The following ABTB2 variants were observed in gnomAD, a reference collection of about 807,000 sequenced individuals.
ABTB2 encodes the protein ankyrin repeat and BTB domain containing 2, also known as ankyrin repeat and BTB/POZ domain-containing protein 2.
Under a neutral mutation model 104.1 loss-of-function variants are expected in ABTB2, and 56 were observed. The observed-to-expected ratio is 0.54, with a 90% CI of 0.43 to 0.67. ABTB2 has a LOEUF of 0.67. Ranked by LOEUF, ABTB2 falls within the 30% of genes least tolerant of loss-of-function variation. The pLI is 0.00. For missense variants in ABTB2, 1,279 were observed against 1,407.7 expected (o/e 0.91, Z 1.46); for synonymous variants, 606 against 608.2 (o/e 1.00, Z 0.05).
chr11:34,183,773 G>A (rs966389899), intron 3 of ABTB2, among the ~76,000 whole-genome samples: 6 of 152,120 alleles, frequency 3.9e-5, no homozygotes, highest in African/African-American at 1.2e-4. Context: ...CACAGAAGCC[G>A]GTGTTAGAAA....
chr11:34,298,071 A>C (rs552356551), intron 1 of ABTB2, among the ~76,000 whole-genome samples: 12 of 151,134 alleles, frequency 7.9e-5, no homozygotes, highest in African/African-American at 2.9e-4. Context: ...CTGAAATGTG[A>C]GAAATAAATG....
At chr11:34,240,749 C>G (rs113402711) in intron 1 of ABTB2, among the ~76,000 whole-genome samples, 7 of 148,966 alleles carry the variant, frequency 4.7e-5, no homozygotes, top group African/African-American at 1.7e-4. Context: ...TCCGCCACCA[C>G]ACCCAGCTAA....
chr11:34,233,333 C>CTT lies in ABTB2; in HGVS notation c.884-28645_884-28644dup, dbSNP rs112892657. On this transcript the variant is annotated intron_variant, in intron 1 of 16. Transcript: ENST00000435224. ...ATGGCATGATCATGGCTCACTGCAG[C>CTT]TTTTTTTTTTTTTGAGACAGAGCCT... Among the ~76,000 whole-genome samples the CTT allele has an allele frequency of 2.6e-3, 381 of 145,508 alleles. 7 individuals carry two copies. In the East Asian group the frequency reaches 0.033, roughly 13 times the overall value.
intron 1 of ABTB2, among the ~76,000 whole-genome samples, chr11:34,351,246 G>C (rs1425646617): frequency 6.9e-6 from 1 of 144,824 alleles, no homozygotes; most frequent in Non-Finnish European, 1.5e-5. Context: ...GTGGGACACA[G>C]ATGTAAACTC....
At chr11:34,239,703 C>T (rs550953137) in intron 1 of ABTB2, among the ~76,000 whole-genome samples, 4 of 152,272 alleles carry the variant, frequency 2.6e-5, no homozygotes, top group African/African-American at 7.2e-5. Flanking sequence ...GACTGCAAGA[C>T]AGGCCTTTCT....
intron 1 of ABTB2, among the ~76,000 whole-genome samples, chr11:34,221,407 A>C (rs1290362310): frequency 6.6e-6 from 1 of 152,248 alleles, no homozygotes; most frequent in Admixed American, 6.5e-5. Flanking sequence ...CTGGAATTTC[A>C]ACACAGGAAT....
chr11:34,169,517 C>T (rs1046957260), intron 5 of ABTB2, among the ~76,000 whole-genome samples: 3 of 152,194 alleles, frequency 2.0e-5, no homozygotes, highest in African/African-American at 7.2e-5. Context: ...GTTCAAGATG[C>T]TACAGCTCTT....
chr11:34,332,951 G>A (rs565411300), intron 1 of ABTB2, among the ~76,000 whole-genome samples: 7 of 152,262 alleles, frequency 4.6e-5, no homozygotes, highest in Non-Finnish European at 8.8e-5. Context: ...TGCCTGCTTC[G>A]TCTGGGTGAG....
At chr11:34,243,299 G>A (rs1234007949) in intron 1 of ABTB2, among the ~76,000 whole-genome samples, 1 of 152,090 alleles carries the variant, frequency 6.6e-6, no homozygotes, top group Non-Finnish European at 1.5e-5. Context: ...TTTAGATGGA[G>A]TCTCGCTCTG....
At chr11:34,342,917 T>TTTCA (rs1248390759) in intron 1 of ABTB2, among the ~76,000 whole-genome samples, 11 of 142,640 alleles carry the variant, frequency 7.7e-5, no homozygotes, top group Non-Finnish European at 1.4e-4. Flanking sequence ...GTCACTCCCA[T>TTTCA]TTCATTTATT....
intron 1 of ABTB2, among the ~76,000 whole-genome samples, chr11:34,209,061 C>A (rs1005201479): frequency 2.6e-5 from 4 of 152,188 alleles, no homozygotes; most frequent in Admixed American, 1.3e-4. Context: ...TAGTTAGCAT[C>A]CTGGCTGGCC....
rs61880412 is a variant in ABTB2 at position 34,180,346 on chromosome 11, C to T, written c.1245-7039G>A. Among the ~76,000 whole-genome samples, 422 of 152,358 alleles carry T rather than the reference C, an allele frequency of 2.8e-3. 2 individuals carry two copies. The highest frequency in any genetic ancestry group is 4.2e-3 in the Non-Finnish European group (283 of 68,036). On this transcript the variant is annotated intron_variant, in intron 3 of 16. Coordinates refer to ENST00000435224, the MANE Select transcript of ABTB2 (RefSeq NM_145804.3). ...AGGGAAGGGGCAACAGCAAGGAACA[C>T]AGACCCAGAGGCCTTGGGTCATGAA...
chr11:34,257,841 C>A (rs1039189646), intron 1 of ABTB2, among the ~76,000 whole-genome samples: 1 of 152,128 alleles, frequency 6.6e-6, no homozygotes. Context: ...TCAAGCAATC[C>A]ACCTACCTCA....
chr11:34,203,092 C>T (rs529094966), intron 2 of ABTB2, among the ~76,000 whole-genome samples: 17 of 152,258 alleles, frequency 1.1e-4, no homozygotes, highest in Admixed American at 5.9e-4. Flanking sequence ...GGATCAGCCC[C>T]GATCTTGATC....
At chr11:34,253,179 C>T (rs1056629814) in intron 1 of ABTB2, among the ~76,000 whole-genome samples, 7 of 152,154 alleles carry the variant, frequency 4.6e-5, no homozygotes, top group African/African-American at 1.7e-4. Flanking sequence ...ATCTCACACC[C>T]GTCCCTGGGT....
At position 34,357,521 on chromosome 11, in the gene ABTB2, A is replaced by G. The variant is rs1855483396; in HGVS notation, c.63T>C (p.Tyr21=). ...TLEDLTLDSG[Y]GAGDSCRSLS... Reference sequence around the variant, plus strand: ...GCGAGCGGCACGAGTCCCCGGCCCCATACCCGGAGTCCAAGGTCAAGTCCT... The same window carrying G: ...GCGAGCGGCACGAGTCCCCGGCCCCGTACCCGGAGTCCAAGGTCAAGTCCT... The change falls in exon 1 of 17, where the codon TAT becomes TAC. Residue 21 remains tyrosine, a synonymous_variant. Transcript: ENST00000435224. 2 of 1,539,324 alleles carry G rather than the reference A, an allele frequency of 1.3e-6. No individual in the cohort carries two copies. The highest frequency in any genetic ancestry group is 1.2e-5 in the South Asian group (1 of 84,026).
rs1260258814 is a variant in ABTB2, at chr11:34,357,874, GA to G, written c.-292del. 85 of 378,924 alleles carry G rather than the reference GA, an allele frequency of 2.2e-4. No individual in the cohort carries two copies. In the East Asian group the frequency reaches 3.7e-3, roughly 17 times the overall value. 23.5% of individuals were successfully genotyped at this position (378,924 alleles called of 1,614,324 possible). ...TGTCCACCTCTAATTCCCACAAGCAGAGAGTCAGTCCTCCACAGAGAAGGAA... is the reference window on the plus strand; with the variant it reads ...TGTCCACCTCTAATTCCCACAAGCAGGAGTCAGTCCTCCACAGAGAAGGAA... On this transcript the variant is annotated 5_prime_UTR_variant, in exon 1 of 17. Transcript: ENST00000435224.
intron 3 of ABTB2, among the ~76,000 whole-genome samples, chr11:34,186,086 G>C (rs946720268): frequency 2.6e-5 from 4 of 152,246 alleles, no homozygotes. Flanking sequence ...ATGGAGAAAG[G>C]TTTGCCTTGG....
intron 1 of ABTB2, among the ~76,000 whole-genome samples, chr11:34,334,533 G>A (rs1053404235): frequency 6.6e-6 from 1 of 152,124 alleles, no homozygotes; most frequent in African/African-American, 2.4e-5. Flanking sequence ...CATAATCCTT[G>A]GTTCATGACC....
Sources: gnomAD v4.1 joint callset for allele counts (sites outside exome capture counted in the v4.1 genomes callset) on GRCh38, gnomAD v4.1.1 for gene constraint, MANE v1.5 for transcripts, NCBI Gene and HGNC (gene_info 2026-07-23, HGNC 2026-07-21) for gene names.